The following TRIM26 variants were observed in gnomAD, a reference collection of about 807,000 sequenced individuals.
TRIM26 encodes tripartite motif containing 26, also known as tripartite motif-containing protein 26.
TRIM26 carries 16 observed loss-of-function variants against 45.5 expected under a neutral mutation model. That is an observed-to-expected ratio of 0.35 (90% CI 0.24 to 0.53). The LOEUF (loss-of-function observed/expected upper bound fraction) is 0.53, where lower values mean the gene tolerates loss of function less well. Among genes scored for constraint, TRIM26 ranks in the 20% least tolerant of loss-of-function variants. TRIM26 has a pLI of 0.92. For synonymous variants in TRIM26, 273 were observed against 290.4 expected (o/e 0.94, Z 0.61); for missense variants, 442 against 691.1 (o/e 0.64, Z 4.04).
Position 30,193,584 on chromosome 6 carries a change from G to GT in TRIM26, c.765+2931dup, listed in dbSNP as rs567555597. On this transcript the variant is annotated intron_variant, in intron 6 of 9. Transcript: ENST00000454678. ...TTTTTGTGACTCCATATGAATTTTA[G>GT]TTTTTTTTCTATTTTTCTGAAGAAT... Among the ~76,000 whole-genome samples the GT allele has an allele frequency of 1.4e-3, 214 of 151,700 alleles. 2 individuals are homozygous for GT. Among genetic ancestry groups the GT allele is most frequent in the African/African-American group, 3.1e-3 (127 of 41,366 alleles).
intron 6 of TRIM26, among the ~76,000 whole-genome samples, chr6:30,193,184 T>TA (rs1377622743): frequency 2.2e-3 from 78 of 34,760 alleles, no homozygotes; most frequent in Admixed American, 6.3e-3. Context: ...ATATATATAT[T>TA]TTTTTTTTTT....
At chr6:30,188,951 G>T (rs1562188461) in intron 9 of TRIM26, among the ~76,000 whole-genome samples, 1 of 152,106 alleles carries the variant, frequency 6.6e-6, no homozygotes, top group South Asian at 2.1e-4. Context: ...ACACAGGGCA[G>T]AGAAGGATCA....
rs149905364 is a variant in TRIM26, at chr6:30,195,613, C to G, written c.765+903G>C. On this transcript the variant is annotated intron_variant, in intron 6 of 9. Transcript: ENST00000454678. ...GTGGCCGCCTCCTTCTGCAGTCTGT[C>G]CCAGTGCACATACTGCAGAGTCTGC... Among the ~76,000 whole-genome samples the G allele has an allele frequency of 4.4e-3, 675 of 152,290 alleles. 2 individuals are homozygous for G. The highest frequency in any genetic ancestry group is 0.011 in the African/African-American group (475 of 41,552).
Position 30,198,902 on chromosome 6 carries a change from C to T in TRIM26, c.202G>A (p.Val68Met), listed in dbSNP as rs763997687. 3.1e-6 allele frequency: 5 copies of T among 1,612,736 alleles called. No individual in the cohort carries two copies. In the African/African-American group the frequency reaches 4.0e-5, roughly 13 times the overall value. ...KPFKKENIRP[V>M]WQLASLVENI... ...TCCACCAGGCTGGCCAGTTGCCACA[C>T]GGGTCGGATGTTCTCCTTCTTAAAA... The change falls in exon 4 of 10, where the codon GTG (valine) becomes ATG (methionine). Residue 68 changes from valine (V) to methionine (M), a missense_variant. Transcript: ENST00000454678. The surrounding 1 kb of genome is among the most constrained non-coding windows in gnomAD (Gnocchi z 6.3).
Position 30,209,017 on chromosome 6 carries a change from G to A in TRIM26, c.-375-4252C>T, listed in dbSNP as rs886941162. On this transcript the variant is annotated intron_variant, in intron 1 of 9. Coordinates refer to ENST00000454678, the MANE Select transcript of TRIM26 (RefSeq NM_003449.5). The surrounding 1 kb of genome is among the most constrained non-coding windows in gnomAD (Gnocchi z 4.8). ...TAACAGGCCAAGGAATCCTATAGCA[G>A]CAGACCAGATATTGTGCTCCTCGAC... Among the ~76,000 whole-genome samples, 1 of 151,018 alleles carries A rather than the reference G, an allele frequency of 6.6e-6. No homozygotes were observed. The highest frequency in any genetic ancestry group is 2.4e-5 in the African/African-American group (1 of 41,138).
chr6:30,184,659 T>A lies in TRIM26; in HGVS notation c.*1217A>T, dbSNP rs6914852. ...GAGACAATGGTGGTCAAGTGACCAC[T>A]GAGGCCCAGAGCCGTTGGAACAGTC... On this transcript the variant is annotated 3_prime_UTR_variant, in exon 10 of 10. Coordinates refer to ENST00000454678, the MANE Select transcript of TRIM26 (RefSeq NM_003449.5). 24 of 152,818 alleles carry A rather than the reference T, an allele frequency of 1.6e-4. No individual in the cohort carries two copies. The highest frequency in any genetic ancestry group is 5.1e-4 in the African/African-American group (21 of 41,580). 9.5% of individuals were successfully genotyped at this position (152,818 alleles called of 1,614,324 possible). A position where few individuals can be genotyped will look rare whatever the true frequency, so the allele number is the denominator to read the frequency against.
intron 6 of TRIM26, among the ~76,000 whole-genome samples, chr6:30,191,673 G>A (rs988526273): frequency 6.6e-6 from 1 of 152,192 alleles, no homozygotes; most frequent in Non-Finnish European, 1.5e-5. Context: ...AGTTTGGGAA[G>A]AGTTGTGAGC....
At chr6:30,200,462 G>A (rs1258407805) in intron 3 of TRIM26, among the ~76,000 whole-genome samples, 3 of 152,190 alleles carry the variant, frequency 2.0e-5, no homozygotes, top group African/African-American at 7.2e-5. Context: ...TAGAAGGCTG[G>A]ACTCTAAACA....
In TRIM26 at chr6:30,186,043, G is replaced by A. The variant is rs1461679208; in HGVS notation, c.1453C>T (p.Arg485Trp). 24 of 1,604,022 alleles carry A rather than the reference G, an allele frequency of 1.5e-5. No individual in the cohort carries two copies. Among genetic ancestry groups the A allele is most frequent in the East Asian group, 6.8e-5 (3 of 44,434 alleles). ...AGGGCGATGCCCACTCTCCGGGGCC[G>A]CAGTGCTGGGAAAAGCTCAGCCTCG... ...SPEAELFPALRPRRVGIALDY... is the reference protein window; with the variant it reads ...SPEAELFPALWPRRVGIALDY... The change falls in exon 10 of 10, where the codon CGG becomes TGG. Residue 485 changes from arginine to tryptophan, a missense_variant. Arg to Trp is a moderately radical substitution (Grantham distance 101). Coordinates refer to ENST00000454678, the MANE Select transcript of TRIM26 (RefSeq NM_003449.5). The surrounding 1 kb of genome is among the most constrained non-coding windows in gnomAD (Gnocchi z 7.4).
chr6:30,208,915 T>C (rs372014854), intron 1 of TRIM26, among the ~76,000 whole-genome samples: 33 of 134,434 alleles, frequency 2.5e-4, no homozygotes, highest in African/African-American at 7.8e-4. Flanking sequence ...TGTGTGTGTG[T>C]GTGTGTGTGT....
chr6:30,191,646 T>C (rs1350588224), intron 6 of TRIM26, among the ~76,000 whole-genome samples: 1 of 152,194 alleles, frequency 6.6e-6, no homozygotes, highest in Non-Finnish European at 1.5e-5. Flanking sequence ...TTGTGGCTGC[T>C]GATGACTGCT....
Position 30,203,034 on chromosome 6 carries a change from T to C in TRIM26, c.-266+1622A>G, listed in dbSNP as rs191650444. ...GGTGTTAGATCATATTAAAAAATTA[T>C]TTCCTCTCTTTCTTTTTTTTTTTTT... On this transcript the variant is annotated intron_variant, in intron 2 of 9. Coordinates refer to ENST00000454678, the MANE Select transcript of TRIM26 (RefSeq NM_003449.5). Among the ~76,000 whole-genome samples, 270 of 148,660 alleles carry C rather than the reference T, an allele frequency of 1.8e-3. 1 individual carries two copies. Among genetic ancestry groups the C allele is most frequent in the Admixed American group, 3.9e-3 (57 of 14,742 alleles).
Position 30,196,756 on chromosome 6 carries a change from G to C in TRIM26, c.535-10C>G, listed in dbSNP as rs1015024125. On this transcript the variant is annotated splice_polypyrimidine_tract_variant and intron_variant, in intron 5 of 9. Coordinates refer to ENST00000454678, the MANE Select transcript of TRIM26 (RefSeq NM_003449.5). This position sits in a 1 kb window ranked among gnomAD's most constrained non-coding sequence, Gnocchi z 4.9. ...GGTCCTGGAGCTTCTTCTGCAGGGG[G>C]CAGGAAGGGGAGAAGGGCTGACACC... is the stretch of plus-strand genomic sequence containing the variant. 2.5e-6 allele frequency: 4 copies of C among 1,613,634 alleles called. No homozygotes were observed. In the African/African-American group the frequency reaches 5.3e-5, roughly 22 times the overall value.
Position 30,189,855 on chromosome 6 carries a change from T to G in TRIM26, c.788+158A>C, listed in dbSNP as rs144407728. 2.3e-3 allele frequency: 1,867 copies of G among 828,062 alleles called. 6 individuals are homozygous for G. The highest frequency in any genetic ancestry group is 0.012 in the African/African-American group (690 of 58,208). 51.3% of individuals were successfully genotyped at this position (828,062 alleles called of 1,614,324 possible). On this transcript the variant is annotated intron_variant, in intron 7 of 9. Coordinates refer to ENST00000454678, the MANE Select transcript of TRIM26 (RefSeq NM_003449.5). The surrounding 1 kb of genome is among the most constrained non-coding windows in gnomAD (Gnocchi z 5.0). ...AGGAGAGCAAGTCTCCAGTTCTCAA[T>G]GATGTGTCCTGCTCCTCAGAAGGGC...
intron 6 of TRIM26, among the ~76,000 whole-genome samples, chr6:30,192,780 G>C (rs1242232569): frequency 6.6e-6 from 1 of 152,026 alleles, no homozygotes; most frequent in Non-Finnish European, 1.5e-5. Flanking sequence ...ATGCTAATTA[G>C]GGAGGTAGCT....
Position 30,200,419 on chromosome 6 carries a change from C to T in TRIM26, c.-162+616G>A, listed in dbSNP as rs116599879. Among the ~76,000 whole-genome samples the T allele has an allele frequency of 9.6e-3, 1,468 of 152,334 alleles. 22 individuals carry two copies. The highest frequency in any genetic ancestry group is 0.032 in the African/African-American group (1,320 of 41,572). Reference sequence around the variant, plus strand: ...TTCCCTTTGTGAGTATTTCCCTGGGCTGTTCTATAGTTTGGGTTTAATTTG... The same window carrying T: ...TTCCCTTTGTGAGTATTTCCCTGGGTTGTTCTATAGTTTGGGTTTAATTTG... On this transcript the variant is annotated intron_variant, in intron 3 of 9. Coordinates refer to ENST00000454678, the MANE Select transcript of TRIM26 (RefSeq NM_003449.5).
rs1423351839 is a variant in TRIM26, at chr6:30,186,611, T to C, written c.938-53A>G. On this transcript the variant is annotated intron_variant, in intron 9 of 9. Coordinates refer to ENST00000454678, the MANE Select transcript of TRIM26 (RefSeq NM_003449.5). This position sits in a 1 kb window ranked among gnomAD's most constrained non-coding sequence, Gnocchi z 7.4. ...ACAGCATCACTGTTTTGTTTTGTTT[T>C]TTAAGTCAGAGGGAATAAAATTTAT... The C allele has an allele frequency of 6.7e-7, 1 of 1,487,942 alleles. No homozygotes were observed. Among genetic ancestry groups the C allele is most frequent in the Non-Finnish European group, 8.9e-7 (1 of 1,123,616 alleles). 92.2% of individuals were successfully genotyped at this position (1,487,942 alleles called of 1,614,324 possible). A position where few individuals can be genotyped will look rare whatever the true frequency, so the allele number is the denominator to read the frequency against.
intron 6 of TRIM26, among the ~76,000 whole-genome samples, chr6:30,193,162 G>GTGTA (rs1461878897): frequency 2.5e-3 from 79 of 31,998 alleles, no homozygotes; most frequent in African/African-American, 9.9e-3. Flanking sequence ...GTGTGTGTGT[G>GTGTA]TATATATATA....
In TRIM26 at chr6:30,199,154, C is replaced by T. The variant is rs1161816925; in HGVS notation, c.-51G>A. On this transcript the variant is annotated 5_prime_UTR_variant, in exon 4 of 10. Coordinates refer to ENST00000454678, the MANE Select transcript of TRIM26 (RefSeq NM_003449.5). ...CGTTCACTGGTGAGGACTTCTTCTC[C>T]TTGGAGACGCGACATAGAGTCAGGA... 6.6e-7 allele frequency: 1 copy of T among 1,505,538 alleles called. No individual in the cohort carries two copies. The highest frequency in any genetic ancestry group is 8.9e-7 in the Non-Finnish European group (1 of 1,124,286). 93.3% of individuals were successfully genotyped at this position (1,505,538 alleles called of 1,614,324 possible). A position where few individuals can be genotyped will look rare whatever the true frequency, so the allele number is the denominator to read the frequency against.
Sources: allele counts gnomAD v4.1 joint callset (sites outside exome capture counted in the v4.1 genomes callset), GRCh38; gene constraint gnomAD v4.1.1; non-coding constraint Gnocchi (gnomAD v3.1); transcripts MANE v1.5; gene names NCBI Gene and HGNC (gene_info 2026-07-23, HGNC 2026-07-21).